PSMB2: variants seen among roughly 807,000 people sequenced by gnomAD.
PSMB2 encodes the protein proteasome subunit beta type-2.
PSMB2 carries 13 observed loss-of-function variants against 25.7 expected under a neutral mutation model. That is an observed-to-expected ratio of 0.51 (90% CI 0.33 to 0.80). PSMB2 has a LOEUF of 0.80. Among genes scored for constraint, PSMB2 ranks in the 30% least tolerant of loss-of-function variants. PSMB2 has a pLI of 0.02. For synonymous variants in PSMB2, 87 were observed against 96.2 expected, an observed-to-expected ratio of 0.90 and a Z score of 0.56; for missense variants, 202 against 259.0, an observed-to-expected ratio of 0.78 and a Z score of 1.51.
At chr1:35,634,142 C>T (rs1651178971) in intron 2 of PSMB2, among the ~76,000 whole-genome samples, 2 of 152,188 alleles carry the variant, frequency 1.3e-5, no homozygotes, top group Admixed American at 1.3e-4. Flanking sequence ...AATTATCTCT[C>T]TAGAAGGAAA....
At chr1:35,628,034 A>G (rs920621995) in intron 3 of PSMB2, among the ~76,000 whole-genome samples, 1 of 152,148 alleles carries the variant, frequency 6.6e-6, no homozygotes, top group Non-Finnish European at 1.5e-5. Flanking sequence ...ATATAAATAT[A>G]CTAAATTTGG....
intron 3 of PSMB2, among the ~76,000 whole-genome samples, chr1:35,615,639 G>A (rs1650472398): frequency 6.6e-6 from 1 of 152,240 alleles, no homozygotes. Context: ...GCAAGGGGGA[G>A]AGAGGTGGGC....
chr1:35,632,641 C>T (rs535484102), intron 2 of PSMB2, among the ~76,000 whole-genome samples: 4 of 152,268 alleles, frequency 2.6e-5, no homozygotes, highest in South Asian at 2.1e-4. Context: ...TGCCTGTAAT[C>T]ACAGCACTTT....
chr1:35,635,420 T>C (rs1651218284), intron 2 of PSMB2, among the ~76,000 whole-genome samples: 1 of 152,116 alleles, frequency 6.6e-6, no homozygotes, highest in Non-Finnish European at 1.5e-5. Context: ...GGTGTTAGTT[T>C]TATCTATCAG....
At chr1:35,610,726 C>A (rs1337181535) in intron 3 of PSMB2, among the ~76,000 whole-genome samples, 1 of 152,166 alleles carries the variant, frequency 6.6e-6, no homozygotes, top group Non-Finnish European at 1.5e-5. Context: ...GAACTCCTGA[C>A]CTCGTGATCC....
chr1:35,604,342 CTGCCCAAAGCTTCCTAGT>C (rs1480275053), intron 5 of PSMB2, among the ~76,000 whole-genome samples: 1 of 152,246 alleles, frequency 6.6e-6, no homozygotes, highest in African/African-American at 2.4e-5. Context: ...CTCTCCCCTT[CTGCCCAAAGCTTCCTAGT>C]TGCTTTCTAT....
intron 3 of PSMB2, among the ~76,000 whole-genome samples, chr1:35,628,619 ATATATATATATATT>A (rs1557456514): frequency 1.7e-4 from 8 of 48,284 alleles, no homozygotes; most frequent in Admixed American, 3.2e-4. Flanking sequence ...ATATATATAT[ATATATATATATATT>A]TTTTTTTTTT....
chr1:35,619,751 G>A (rs1367794022), intron 3 of PSMB2, among the ~76,000 whole-genome samples: 7 of 152,188 alleles, frequency 4.6e-5, no homozygotes, highest in South Asian at 2.1e-4. Context: ...GTAACTTATC[G>A]TAATTAGAAG....
intron 3 of PSMB2, among the ~76,000 whole-genome samples, chr1:35,620,161 T>A (rs1052363098): frequency 1.3e-5 from 2 of 152,254 alleles, no homozygotes; most frequent in Non-Finnish European, 2.9e-5. Context: ...TTCATCTCTC[T>A]GAGCTAATAA....
chr1:35,607,526 C>T (rs555107845), intron 4 of PSMB2, among the ~76,000 whole-genome samples: 1 of 152,274 alleles, frequency 6.6e-6, no homozygotes, highest in African/African-American at 2.4e-5. Flanking sequence ...CAAAAAACAA[C>T]AAATGCTGGC....
At chr1:35,610,269 T>C (rs1038687312) in intron 3 of PSMB2, among the ~76,000 whole-genome samples, 2 of 151,942 alleles carry the variant, frequency 1.3e-5, no homozygotes, top group African/African-American at 2.4e-5. Flanking sequence ...TGGGACTTGG[T>C]TTCTACAAAA....
chr1:35,628,587 AAAAAAAAAAATATATAT>A (rs1650952315), intron 3 of PSMB2, among the ~76,000 whole-genome samples: 1 of 21,444 alleles, frequency 4.7e-5, no homozygotes, highest in Non-Finnish European at 8.0e-5. Flanking sequence ...AGAAAAAAAA[AAAAAAAAAAATATATAT>A]ATATATATAT....
rs72659629 is a variant in PSMB2 at position 35,607,302 on chromosome 1, T to C, written c.448+1944A>G. On this transcript the variant is annotated intron_variant, in intron 4 of 5. Coordinates refer to ENST00000373237, the MANE Select transcript of PSMB2 (RefSeq NM_002794.5). ...CTACTCATCCAACAGGGAGTTAATA[T>C]CCAGAAAATATAAGGAACCGAAATA... Among the ~76,000 whole-genome samples, 854 of 152,128 alleles carry C rather than the reference T, an allele frequency of 5.6e-3. 7 individuals are homozygous for C. Among genetic ancestry groups the C allele is most frequent in the Middle Eastern group, 0.017 (5 of 294 alleles).
intron 3 of PSMB2, among the ~76,000 whole-genome samples, chr1:35,630,671 G>A (rs768736135): frequency 2.0e-5 from 3 of 152,216 alleles, no homozygotes; most frequent in Non-Finnish European, 4.4e-5. Flanking sequence ...ATGAGTGGTT[G>A]TCAGGAGTTG....
intron 2 of PSMB2, among the ~76,000 whole-genome samples, chr1:35,634,723 TAACACTTAA>T (rs1571142468): frequency 6.6e-6 from 1 of 151,844 alleles, no homozygotes; most frequent in East Asian, 1.9e-4. Context: ...CTGAGATATC[TAACACTTAA>T]AAAGTCTGAT....
At chr1:35,637,996 C>T (rs1362636915) in intron 1 of PSMB2, among the ~76,000 whole-genome samples, 1 of 152,056 alleles carries the variant, frequency 6.6e-6, no homozygotes, top group African/African-American at 2.4e-5. Context: ...ACATGCCTCA[C>T]TTTTATAAGA....
intron 3 of PSMB2, among the ~76,000 whole-genome samples, chr1:35,614,835 T>G (rs1440612381): frequency 2.0e-5 from 3 of 152,184 alleles, no homozygotes; most frequent in Non-Finnish European, 2.9e-5. Context: ...ACCACCAAAA[T>G]TTTGCCTCTT....
intron 4 of PSMB2, among the ~76,000 whole-genome samples, chr1:35,607,022 C>T (rs922035100): frequency 2.6e-5 from 4 of 152,146 alleles, no homozygotes; most frequent in African/African-American, 9.7e-5. Flanking sequence ...AAACCAGACC[C>T]TCACCTCTTA....
chr1:35,624,843 A>T (rs928193153), intron 3 of PSMB2, among the ~76,000 whole-genome samples: 3 of 151,984 alleles, frequency 2.0e-5, no homozygotes, highest in Admixed American at 2.0e-4. Context: ...CGGGTGGATC[A>T]CGAGGTCAGG....
Sources: gnomAD v4.1 joint callset for allele counts (sites outside exome capture counted in the v4.1 genomes callset) on GRCh38, gnomAD v4.1.1 for gene constraint, MANE v1.5 for transcripts, NCBI Gene and HGNC (gene_info 2026-07-23, HGNC 2026-07-21) for gene names.